The following TAFA1 variants were observed in gnomAD, a reference collection of about 807,000 sequenced individuals.
TAFA1 encodes TAFA chemokine like family member 1, also known as chemokine-like protein TAFA-1.
TAFA1 carries 4 observed loss-of-function variants against 18.5 expected under a neutral mutation model. The ratio of observed to expected loss-of-function variants is 0.22; its 90% CI spans 0.11 to 0.49. The LOEUF is 0.49. Ranked by LOEUF, TAFA1 falls within the 20% of genes least tolerant of loss-of-function variation. The pLI is 0.98. For missense variants in TAFA1, 147 were observed against 169.0 expected (o/e 0.87, Z 0.72); for synonymous variants, 56 against 55.2 (o/e 1.01, Z -0.06).
intron 2 of TAFA1, among the ~76,000 whole-genome samples, chr3:68,214,713 G>A (rs1349036143): frequency 2.0e-5 from 3 of 152,048 alleles, no homozygotes; most frequent in African/African-American, 7.2e-5. Flanking sequence ...AACACAAAGA[G>A]CTCACAAAAT....
intron 2 of TAFA1, among the ~76,000 whole-genome samples, chr3:68,370,020 G>A (rs1339198207): frequency 6.6e-6 from 1 of 151,478 alleles, no homozygotes; most frequent in Non-Finnish European, 1.5e-5. Flanking sequence ...CAGGTGTGGT[G>A]GCTCACTCCT....
chr3:68,508,326 A>T (rs1329552231), intron 3 of TAFA1, among the ~76,000 whole-genome samples: 1 of 152,024 alleles, frequency 6.6e-6, no homozygotes, highest in African/African-American at 2.4e-5. Flanking sequence ...GGGGACATAA[A>T]CATGCAGTCC....
chr3:68,212,982 C>G (rs1388438920), intron 2 of TAFA1, among the ~76,000 whole-genome samples: 3 of 151,654 alleles, frequency 2.0e-5, no homozygotes, highest in African/African-American at 7.3e-5. Context: ...CGCGTTAACC[C>G]TCCTCTGGGC....
chr3:68,154,425 C>G (rs866723534), intron 2 of TAFA1, among the ~76,000 whole-genome samples: 1 of 152,200 alleles, frequency 6.6e-6, no homozygotes, highest in African/African-American at 2.4e-5. Context: ...ATTCAGCCAC[C>G]TCCTGCTACA....
chr3:68,280,795 TGAC>T (rs1243529745), intron 2 of TAFA1, among the ~76,000 whole-genome samples: 1 of 152,164 alleles, frequency 6.6e-6, no homozygotes, highest in East Asian at 1.9e-4. Flanking sequence ...AGGAATCACA[TGAC>T]AATAATAAAA....
intron 2 of TAFA1, among the ~76,000 whole-genome samples, chr3:68,379,467 TC>T (rs2069886163): frequency 6.6e-6 from 1 of 152,242 alleles, no homozygotes; most frequent in African/African-American, 2.4e-5. Context: ...GTTGATACTA[TC>T]TTTTGCTGTG....
chr3:68,167,305 C>T (rs1185614279), intron 2 of TAFA1, among the ~76,000 whole-genome samples: 1 of 152,162 alleles, frequency 6.6e-6, no homozygotes, highest in African/African-American at 2.4e-5. Context: ...CGGCCGGGCG[C>T]CGTGGCTCAC....
At chr3:68,471,009 G>C (rs922718756) in intron 3 of TAFA1, among the ~76,000 whole-genome samples, 1 of 152,132 alleles carries the variant, frequency 6.6e-6, no homozygotes, top group Non-Finnish European at 1.5e-5. Flanking sequence ...GCCACCTCAG[G>C]ACTTGGTGCC....
chr3:68,280,090 G>C (rs1229233630), intron 2 of TAFA1, among the ~76,000 whole-genome samples: 1 of 151,922 alleles, frequency 6.6e-6, no homozygotes, highest in East Asian at 1.9e-4. Flanking sequence ...TATATTTACT[G>C]TCTGCTGAAT....
chr3:68,058,637 A>G (rs758135749), intron 2 of TAFA1, among the ~76,000 whole-genome samples: 1 of 152,220 alleles, frequency 6.6e-6, no homozygotes, highest in African/African-American at 2.4e-5. Flanking sequence ...TCTAAATTCC[A>G]GAGGTAAAGA....
chr3:68,427,543 C>T lies in TAFA1; in HGVS notation c.259+10123C>T, dbSNP rs17047698. ...TATAAGGAAGTAGTAAAACTTGTATCCCCTTCTGGGACCTGTATATAAACT... is the reference window on the plus strand; with the variant it reads ...TATAAGGAAGTAGTAAAACTTGTATTCCCTTCTGGGACCTGTATATAAACT... On this transcript the variant is annotated intron_variant, in intron 3 of 4. Transcript: ENST00000478136. Among the ~76,000 whole-genome samples the T allele has an allele frequency of 1.8e-4, 28 of 151,926 alleles. No individual in the cohort carries two copies. The East Asian group carries it at 4.5e-3, about 24-fold the overall frequency.
At chr3:68,079,986 T>A (rs1223468489) in intron 2 of TAFA1, among the ~76,000 whole-genome samples, 6 of 151,938 alleles carry the variant, frequency 3.9e-5, no homozygotes, top group Non-Finnish European at 5.9e-5. Flanking sequence ...GCTTTATGAA[T>A]CTTGGTGCTC....
intron 3 of TAFA1, among the ~76,000 whole-genome samples, chr3:68,495,333 A>T (rs2072526001): frequency 6.6e-6 from 1 of 152,226 alleles, no homozygotes; most frequent in South Asian, 2.1e-4. Context: ...AAGGTTAGGT[A>T]AAAAGAGCAA....
rs1427757722 is a variant in TAFA1, at chr3:68,033,670, T to A, written c.118+26926T>A. On this transcript the variant is annotated intron_variant, in intron 2 of 4. Coordinates refer to ENST00000478136, the MANE Select transcript of TAFA1 (RefSeq NM_213609.4). ...TTTACTTATTAAGGAATGGATGGAATGAAAAAAATTAGCATATGAAGTATT... is the reference window on the plus strand; with the variant it reads ...TTTACTTATTAAGGAATGGATGGAAAGAAAAAAATTAGCATATGAAGTATT... 2.6e-5 allele frequency among the ~76,000 whole-genome samples: 4 copies of A among 152,306 alleles called. No homozygotes were observed. The East Asian group carries it at 7.7e-4, about 29-fold the overall frequency.
intron 2 of TAFA1, among the ~76,000 whole-genome samples, chr3:68,104,160 T>A (rs1314813777): frequency 6.6e-6 from 1 of 152,174 alleles, no homozygotes; most frequent in African/African-American, 2.4e-5. Context: ...TATACCAGTC[T>A]GATTCTGGTC....
chr3:68,088,783 G>T (rs902910818), intron 2 of TAFA1, among the ~76,000 whole-genome samples: 2 of 152,180 alleles, frequency 1.3e-5, no homozygotes, highest in Non-Finnish European at 2.9e-5. Context: ...TGAATACACT[G>T]TAGAAAGTCA....
intron 4 of TAFA1, among the ~76,000 whole-genome samples, chr3:68,543,061 A>C (rs1050758249): frequency 6.6e-6 from 1 of 152,136 alleles, no homozygotes; most frequent in African/African-American, 2.4e-5. Flanking sequence ...CTGTGGTAAA[A>C]TTGTGAGGGA....
intron 2 of TAFA1, among the ~76,000 whole-genome samples, chr3:68,364,557 G>A (rs540060046): frequency 5.3e-5 from 8 of 152,250 alleles, no homozygotes; most frequent in African/African-American, 7.2e-5. Flanking sequence ...ATTTCTAGAG[G>A]AACGTATTTA....
chr3:68,458,599 T>C (rs2071710650), intron 3 of TAFA1, among the ~76,000 whole-genome samples: 1 of 152,300 alleles, frequency 6.6e-6, no homozygotes, highest in East Asian at 1.9e-4. Flanking sequence ...TCTAAGTTTA[T>C]TAGTCATCCC....
Sources: allele counts gnomAD v4.1 joint callset (sites outside exome capture counted in the v4.1 genomes callset), GRCh38; gene constraint gnomAD v4.1.1; transcripts MANE v1.5; gene names NCBI Gene and HGNC (gene_info 2026-07-23, HGNC 2026-07-21).